PRDM16: variants seen among roughly 807,000 people sequenced by gnomAD.
PRDM16 encodes the protein histone-lysine N-methyltransferase PRDM16.
A neutral mutation model predicts 110.6 loss-of-function variants in PRDM16; 23 were observed. The ratio of observed to expected loss-of-function variants is 0.21; its 90% CI spans 0.15 to 0.29. The LOEUF is 0.29. Ranked by LOEUF, PRDM16 falls within the 10% of genes least tolerant of loss-of-function variation. The pLI, the probability that PRDM16 is intolerant of heterozygous loss-of-function variation, is 1.00. For synonymous variants in PRDM16, 799 were observed against 781.8 expected (o/e 1.02, Z -0.37); for missense variants, 1,615 against 1,794.3 (o/e 0.90, Z 1.81).
At chr1:3,263,956 C>T (rs1041970677) in intron 3 of PRDM16, among the ~76,000 whole-genome samples, 3 of 152,164 alleles carry the variant, frequency 2.0e-5, no homozygotes, top group African/African-American at 7.2e-5. Flanking sequence ...CTGTGACCCC[C>T]ACTTCATCCG....
Position 3,225,571 on chromosome 1 carries a change from T to TGCGCGC in PRDM16, c.388-18515_388-18514insCGCGCG, listed in dbSNP as rs1374895567. Among the ~76,000 whole-genome samples the TGCGCGC allele has an allele frequency of 4.3e-3, 465 of 107,608 alleles. 2 individuals are homozygous for TGCGCGC. Among genetic ancestry groups the TGCGCGC allele is most frequent in the African/African-American group, 0.016 (444 of 28,104 alleles). The allele number at this position is 107,608 out of a possible 152,430, so 70.6% of individuals were successfully genotyped here. On this transcript the variant is annotated intron_variant, in intron 2 of 16. Transcript: ENST00000270722. ...GTGTGTGTGTGTGTGTGTGTGTGTG[T>TGCGCGC]GTGCGCGCGCGCAGAAGGAAGGAAA...
chr1:3,092,430 C>T (rs1475070108), intron 1 of PRDM16, among the ~76,000 whole-genome samples: 3 of 152,256 alleles, frequency 2.0e-5, no homozygotes, highest in Non-Finnish European at 1.5e-5. Flanking sequence ...CGAGTGCCAC[C>T]AGCACTTGGG....
chr1:3,429,156 C>A (rs190976489), intron 14 of PRDM16, among the ~76,000 whole-genome samples: 1 of 152,370 alleles, frequency 6.6e-6, no homozygotes, highest in African/African-American at 2.4e-5. Context: ...GGAACCCGGC[C>A]TGCCCTCGCC....
At chr1:3,310,867 G>A (rs1475727314) in intron 3 of PRDM16, among the ~76,000 whole-genome samples, 2 of 151,712 alleles carry the variant, frequency 1.3e-5, no homozygotes, top group Non-Finnish European at 2.9e-5. Flanking sequence ...AAGTGTGTGT[G>A]CATGTGTGGG....
chr1:3,073,767 C>T (rs996668460), intron 1 of PRDM16, among the ~76,000 whole-genome samples: 2 of 152,206 alleles, frequency 1.3e-5, no homozygotes, highest in African/African-American at 2.4e-5. Flanking sequence ...CGCGTCCACA[C>T]CGCGCAGCCT....
Position 3,243,197 on chromosome 1 carries a change from C to T in PRDM16, c.388-890C>T, listed in dbSNP as rs991144471. On this transcript the variant is annotated intron_variant, in intron 2 of 16. Transcript: ENST00000270722. This position sits in a 1 kb window ranked among gnomAD's most constrained non-coding sequence, Gnocchi z 5.5. Reference sequence around the variant, plus strand: ...TGGGAGCTCCTGTGTGGCCCACAGCCCGCTGCTGGGGGTCCTCAGTGGCCA... The same window carrying T: ...TGGGAGCTCCTGTGTGGCCCACAGCTCGCTGCTGGGGGTCCTCAGTGGCCA... Among the ~76,000 whole-genome samples the T allele has an allele frequency of 6.7e-6, 1 of 149,792 alleles. No homozygotes were observed. The highest frequency in any genetic ancestry group is 2.6e-5 in the African/African-American group (1 of 39,140).
At chr1:3,107,811 T>C (rs1642700513) in intron 1 of PRDM16, among the ~76,000 whole-genome samples, 1 of 152,248 alleles carries the variant, frequency 6.6e-6, no homozygotes, top group Non-Finnish European at 1.5e-5. Context: ...CCTCACTCTC[T>C]CCCTGCCCTG....
intron 3 of PRDM16, among the ~76,000 whole-genome samples, chr1:3,349,394 C>T (rs984825365): frequency 7.9e-5 from 12 of 152,212 alleles, no homozygotes; most frequent in East Asian, 1.9e-4. Flanking sequence ...GCTGCTGCCC[C>T]GATAACCTGG....
At chr1:3,089,788 A>G (rs1183595516) in intron 1 of PRDM16, among the ~76,000 whole-genome samples, 1 of 152,206 alleles carries the variant, frequency 6.6e-6, no homozygotes, top group Non-Finnish European at 1.5e-5. Context: ...CGCACCAGGG[A>G]TGTTCCATTT....
chr1:3,352,760 G>A (rs966021066), intron 3 of PRDM16, among the ~76,000 whole-genome samples: 7 of 152,122 alleles, frequency 4.6e-5, no homozygotes, highest in Admixed American at 6.6e-5. Context: ...GCGATTGGCC[G>A]CATATTGAAA....
Position 3,087,077 on chromosome 1 carries a change from C to T in PRDM16, c.37+17781C>T, listed in dbSNP as rs944490537. ...CATATGGAAACGCTGCACGTGCTGC[C>T]GGCACTGTCTTCTTGGGAGCACCTG... On this transcript the variant is annotated intron_variant, in intron 1 of 16. Transcript: ENST00000270722. Among the ~76,000 whole-genome samples, 7 of 152,168 alleles carry T rather than the reference C, an allele frequency of 4.6e-5. No homozygotes were observed. In the South Asian group the frequency reaches 6.2e-4, roughly 14 times the overall value.
chr1:3,153,109 G>A (rs1033950757), intron 1 of PRDM16, among the ~76,000 whole-genome samples: 1 of 152,244 alleles, frequency 6.6e-6, no homozygotes, highest in African/African-American at 2.4e-5. Context: ...CTTTTCTTCT[G>A]AGTGGGAACA....
chr1:3,234,619 T>A (rs1639498788), intron 2 of PRDM16, among the ~76,000 whole-genome samples: 1 of 152,156 alleles, frequency 6.6e-6, no homozygotes, highest in Non-Finnish European at 1.5e-5. Context: ...GCAGGCTGGA[T>A]GGCCGGGCCC....
chr1:3,361,763 CG>C (rs1642717663), intron 3 of PRDM16, among the ~76,000 whole-genome samples: 1 of 150,858 alleles, frequency 6.6e-6, no homozygotes, highest in African/African-American at 2.4e-5. Context: ...TGAGAAGTGA[CG>C]CGGTCTGGGA....
At chr1:3,371,957 T>C (rs1420494880) in intron 3 of PRDM16, among the ~76,000 whole-genome samples, 1 of 152,186 alleles carries the variant, frequency 6.6e-6, no homozygotes, top group East Asian at 1.9e-4. Context: ...GCCTCAGCTC[T>C]GCATAGCACT....
At chr1:3,304,705 C>T (rs1025765200) in intron 3 of PRDM16, among the ~76,000 whole-genome samples, 8 of 152,110 alleles carry the variant, frequency 5.3e-5, no homozygotes, top group African/African-American at 1.2e-4. Flanking sequence ...TCTGTGAGCA[C>T]GTCTGATGGC....
intron 5 of PRDM16, among the ~76,000 whole-genome samples, chr1:3,401,248 G>A (rs183295719): frequency 1.3e-5 from 2 of 152,300 alleles, no homozygotes; most frequent in African/African-American, 2.4e-5. Flanking sequence ...GCCTATGACC[G>A]TGGTGGTCTC....
At chr1:3,091,004 G>A (rs1337005338) in intron 1 of PRDM16, among the ~76,000 whole-genome samples, 3 of 150,540 alleles carry the variant, frequency 2.0e-5, no homozygotes, top group East Asian at 2.0e-4. Flanking sequence ...GGAAAGTCAC[G>A]TTTCTCCCCG....
At chr1:3,146,912 GT>G (rs1212053796) in intron 1 of PRDM16, among the ~76,000 whole-genome samples, 1 of 48,960 alleles carries the variant, frequency 2.0e-5, no homozygotes, top group South Asian at 1.0e-3. Flanking sequence ...TGTGCTCAGT[GT>G]GGGGGGGTGT....
Sources: allele counts gnomAD v4.1 joint callset (sites outside exome capture counted in the v4.1 genomes callset), GRCh38; gene constraint gnomAD v4.1.1; non-coding constraint Gnocchi (gnomAD v3.1); transcripts MANE v1.5; gene names NCBI Gene and HGNC (gene_info 2026-07-23, HGNC 2026-07-21).